PCDH15: variants seen among roughly 807,000 people sequenced by gnomAD.
The protein encoded by PCDH15 is protocadherin related 15, also known as protocadherin-15.
Under a neutral mutation model 178.5 loss-of-function variants are expected in PCDH15, and 129 were observed. That is an observed-to-expected ratio of 0.72 (90% confidence interval 0.63 to 0.84). The LOEUF is 0.84. Among genes scored for constraint, PCDH15 ranks in the 40% least tolerant of loss-of-function variants. PCDH15 has a pLI of 0.00. For missense variants in PCDH15, 2,230 were observed against 2,099.9 expected, an observed-to-expected ratio of 1.06 and a Z score of -1.21; for synonymous variants, 800 against 732.0, an observed-to-expected ratio of 1.09 and a Z score of -1.50.
chr10:55,127,539 T>A (rs1199117151), intron 2 of PCDH15, among the ~76,000 whole-genome samples: 2 of 152,096 alleles, frequency 1.3e-5, no homozygotes, highest in Non-Finnish European at 2.9e-5. Context: ...TTGCTGTTAT[T>A]ATTTTGTACA....
chr10:53,859,650 T>C (rs2078975994), intron 27 of PCDH15, among the ~76,000 whole-genome samples: 1 of 152,024 alleles, frequency 6.6e-6, no homozygotes, highest in African/African-American at 2.4e-5. Context: ...TATCTGACTC[T>C]TGCAGCGGAG....
intron 3 of PCDH15, among the ~76,000 whole-genome samples, chr10:54,813,277 C>T (rs995508555): frequency 2.0e-5 from 3 of 152,196 alleles, no homozygotes; most frequent in Non-Finnish European, 4.4e-5. Flanking sequence ...ACTGAGGTTT[C>T]CCATGGAGCA....
intron 15 of PCDH15, among the ~76,000 whole-genome samples, chr10:54,105,122 C>A (rs1265031336): frequency 6.6e-6 from 1 of 150,676 alleles, no homozygotes; most frequent in Non-Finnish European, 1.5e-5. Flanking sequence ...ATTAAACAGC[C>A]AACTCCAGAA....
At chr10:54,809,251 C>T (rs561093449) in intron 3 of PCDH15, among the ~76,000 whole-genome samples, 1 of 152,234 alleles carries the variant, frequency 6.6e-6, no homozygotes, top group South Asian at 2.1e-4. Context: ...TTAGTAATAT[C>T]TTCCTAGATT....
At chr10:54,527,757 A>T in intron 3 of PCDH15, 55 bp downstream of exon 3, 1 of 1,446,004 alleles carries the variant, frequency 6.9e-7, no homozygotes, top group Non-Finnish European at 9.6e-7. Flanking sequence ...TGAGAATTAA[A>T]ATCTGAAGAA....
At chr10:54,188,340 G>T (rs1228177157) in intron 11 of PCDH15, among the ~76,000 whole-genome samples, 1 of 151,814 alleles carries the variant, frequency 6.6e-6, no homozygotes, top group Non-Finnish European at 1.5e-5. Context: ...CATAGACTAG[G>T]ATGTACATGG....
intron 1 of PCDH15, among the ~76,000 whole-genome samples, chr10:54,766,083 T>C (rs1454727976): frequency 2.0e-5 from 3 of 152,096 alleles, no homozygotes; most frequent in South Asian, 2.1e-4. Flanking sequence ...TATCTTCTAG[T>C]TGAGAAAATT....
intron 3 of PCDH15, among the ~76,000 whole-genome samples, chr10:54,846,942 C>A (rs1374733446): frequency 6.6e-6 from 1 of 152,170 alleles, no homozygotes; most frequent in Non-Finnish European, 1.5e-5. Flanking sequence ...TTGTACATTA[C>A]TTCATTTACA....
intron 3 of PCDH15, among the ~76,000 whole-genome samples, chr10:54,389,575 A>G (rs1166545793): frequency 6.6e-6 from 1 of 152,114 alleles, no homozygotes; most frequent in African/African-American, 2.4e-5. Context: ...CGAAATCCGT[A>G]TTTGCGGCTC....
chr10:54,084,305 C>G (rs1202682859), intron 16 of PCDH15, among the ~76,000 whole-genome samples: 2 of 151,552 alleles, frequency 1.3e-5, no homozygotes, highest in Non-Finnish European at 2.9e-5. Flanking sequence ...AACCCCATCT[C>G]TACTAAAAAT....
At chr10:54,566,030 G>T (rs2088979039) in intron 2 of PCDH15, among the ~76,000 whole-genome samples, 1 of 152,214 alleles carries the variant, frequency 6.6e-6, no homozygotes, top group Non-Finnish European at 1.5e-5. Flanking sequence ...TTTGCAGCGA[G>T]CTGAGATCGT....
chr10:54,480,272 A>T (rs1229408396), intron 3 of PCDH15, among the ~76,000 whole-genome samples: 2 of 152,070 alleles, frequency 1.3e-5, no homozygotes, highest in African/African-American at 4.8e-5. Context: ...TGGGTCAAGT[A>T]AGAAGAAGTA....
intron 6 of PCDH15, among the ~76,000 whole-genome samples, chr10:54,334,714 CGT>C (rs1336023356): frequency 6.8e-6 from 1 of 147,296 alleles, no homozygotes; most frequent in South Asian, 2.1e-4. Flanking sequence ...CACACACACA[CGT>C]GTATATATAT....
At chr10:54,176,364 T>G (rs2133706416) in intron 13 of PCDH15, among the ~76,000 whole-genome samples, 1 of 152,326 alleles carries the variant, frequency 6.6e-6, no homozygotes, top group Non-Finnish European at 1.5e-5. Context: ...CAATTAATTT[T>G]GACTTGCTAG....
At chr10:54,574,099 C>A (rs1419378459) in intron 2 of PCDH15, among the ~76,000 whole-genome samples, 2 of 151,674 alleles carry the variant, frequency 1.3e-5, no homozygotes, top group African/African-American at 4.8e-5. Flanking sequence ...AAGTCCTTGC[C>A]CATGCCTATG....
At chr10:54,956,175 T>C (rs527859419) in intron 2 of PCDH15, among the ~76,000 whole-genome samples, 41 of 151,534 alleles carry the variant, frequency 2.7e-4, no homozygotes, top group African/African-American at 9.4e-4. Context: ...AGTATCATTC[T>C]ATTCTCTACT....
chr10:54,379,160 C>T (rs1368533822), intron 3 of PCDH15, among the ~76,000 whole-genome samples: 1 of 152,022 alleles, frequency 6.6e-6, no homozygotes, highest in African/African-American at 2.4e-5. Context: ...GGCAGAGATA[C>T]AGACATGGTG....
At chr10:54,984,788 A>G (rs1203141787) in intron 2 of PCDH15, among the ~76,000 whole-genome samples, 1 of 152,210 alleles carries the variant, frequency 6.6e-6, no homozygotes, top group East Asian at 1.9e-4. Context: ...AGTGACCCAC[A>G]TTCATATCAC....
rs184313347 is a variant in PCDH15, at chr10:54,373,573, T to C, written c.319-4298A>G. On this transcript the variant is annotated intron_variant, in intron 4 of 37. Coordinates refer to ENST00000644397, the MANE Select transcript of PCDH15 (RefSeq NM_001384140.1). ...CATATGTGACATGTAGATACATCTA[T>C]AGATTTTTCACAGTGAATTATTAAG... Among the ~76,000 whole-genome samples, 7 of 152,146 alleles carry C rather than the reference T, an allele frequency of 4.6e-5. No individual in the cohort carries two copies. In the East Asian group the frequency reaches 1.2e-3, roughly 25 times the overall value.
Sources: gnomAD v4.1 joint callset for allele counts (sites outside exome capture counted in the v4.1 genomes callset) on GRCh38, gnomAD v4.1.1 for gene constraint, MANE v1.5 for transcripts, NCBI Gene and HGNC (gene_info 2026-07-23, HGNC 2026-07-21) for gene names.